The following PDGFA variants were observed in gnomAD, a reference collection of about 807,000 sequenced individuals.
The protein encoded by PDGFA is platelet derived growth factor subunit A, also known as platelet-derived growth factor subunit A.
A neutral mutation model predicts 25.6 loss-of-function variants in PDGFA; 9 were observed. The ratio of observed to expected loss-of-function variants is 0.35; its 90% confidence interval spans 0.21 to 0.61. The LOEUF (loss-of-function observed/expected upper bound fraction) is 0.61, where lower values mean the gene tolerates loss of function less well. Among genes scored for constraint, PDGFA ranks in the 20% least tolerant of loss-of-function variants. The pLI is 0.75. For synonymous variants in PDGFA, 133 were observed against 111.8 expected, an observed-to-expected ratio of 1.19 and a Z score of -1.20; for missense variants, 242 against 272.8, an observed-to-expected ratio of 0.89 and a Z score of 0.79.
In PDGFA at chr7:517,652, C is replaced by T. The variant is rs1583161551; in HGVS notation, c.64-162G>A. Among the ~76,000 whole-genome samples the T allele has an allele frequency of 6.6e-6, 1 of 151,428 alleles. No homozygotes were observed. The highest frequency in any genetic ancestry group is 2.1e-4 in the South Asian group (1 of 4,820). ...CGGAGCCCTCGCCCCGGCCCTGGAACCAGAAGCCGGGGGTGGGGCTGGAAG... is the reference window on the plus strand; with the variant it reads ...CGGAGCCCTCGCCCCGGCCCTGGAATCAGAAGCCGGGGGTGGGGCTGGAAG... On this transcript the variant is annotated intron_variant, in intron 1 of 5. Coordinates refer to ENST00000402802, the Ensembl canonical transcript of PDGFA. This position sits in a 1 kb window ranked among gnomAD's most constrained non-coding sequence, Gnocchi z 7.4.
At position 517,084 on chromosome 7, in the gene PDGFA, G is replaced by C. The variant is rs1215441840; in HGVS notation, c.160+310C>G. Among the ~76,000 whole-genome samples, 2 of 151,502 alleles carry C rather than the reference G, an allele frequency of 1.3e-5. No individual in the cohort carries two copies. The highest frequency in any genetic ancestry group is 2.9e-5 in the Non-Finnish European group (2 of 67,824). On this transcript the variant is annotated intron_variant, in intron 2 of 5. Transcript: ENST00000402802. The surrounding 1 kb of genome is among the most constrained non-coding windows in gnomAD (Gnocchi z 7.4). ...CTGGGCCGGATCCTGCCGCTCCCCCGGCCCGAGGGCAGGCGCGGGGCCCGC... is the reference window on the plus strand; with the variant it reads ...CTGGGCCGGATCCTGCCGCTCCCCCCGCCCGAGGGCAGGCGCGGGGCCCGC...
At chr7:512,513 C>A (rs1215255309) in intron 2 of PDGFA, 58 bp from the exon 3 acceptor site, 1 of 1,609,998 alleles carries the variant, frequency 6.2e-7, no homozygotes, top group African/African-American at 1.3e-5. Flanking sequence ...TGCCCTGGGC[C>A]TGTCCAGCCG....
chr7:520,122 G>A (rs1191262144), upstream of PDGFA: 2 of 379,434 alleles, frequency 5.3e-6, no homozygotes, highest in African/African-American at 2.2e-5. Flanking sequence ...CCACCCTCCA[G>A]TGCCAGCTGC....
At chr7:518,801 A>T in intron 1 of PDGFA, 138 bp downstream of exon 1, 1 of 540,778 alleles carries the variant, frequency 1.8e-6, no homozygotes, top group South Asian at 2.6e-5. Context: ...AGAAAATAGA[A>T]CCCAGTTGGG....
intron 4 of PDGFA, among the ~76,000 whole-genome samples, chr7:506,921 T>C (rs1562487440): frequency 6.6e-6 from 1 of 152,016 alleles, no homozygotes; most frequent in Non-Finnish European, 1.5e-5. Context: ...AAACTGGAAA[T>C]GGGGGATGCC....
chr7:501,562 A>G (rs984697413), intron 4 of PDGFA, among the ~76,000 whole-genome samples: 2 of 152,092 alleles, frequency 1.3e-5, no homozygotes, highest in African/African-American at 4.8e-5. Context: ...CTGTAAGCAC[A>G]GGCCACCATG....
intron 3 of PDGFA, among the ~76,000 whole-genome samples, chr7:511,707 C>T (rs906700946): frequency 8.5e-5 from 13 of 152,088 alleles, no homozygotes; most frequent in African/African-American, 2.9e-4. Flanking sequence ...GTGGGACCCC[C>T]GAGGACGCGG....
intron 2 of PDGFA, 119 bp from the exon 3 acceptor site, chr7:512,574 G>A (rs1224134495): frequency 6.4e-7 from 1 of 1,555,324 alleles, no homozygotes; most frequent in Non-Finnish European, 8.7e-7. Context: ...GCACCTGGCG[G>A]CACAGCCCCT....
chr7:515,852 G>A (rs1783064652), intron 2 of PDGFA, among the ~76,000 whole-genome samples: 1 of 152,130 alleles, frequency 6.6e-6, no homozygotes, highest in South Asian at 2.1e-4. Flanking sequence ...TGCTAAAGGC[G>A]ATAATGGGTG....
chr7:499,131 C>T (rs934955156), intron 5 of PDGFA, among the ~76,000 whole-genome samples: 2 of 152,342 alleles, frequency 1.3e-5, no homozygotes, highest in East Asian at 3.9e-4. Context: ...ACAGGAGTGC[C>T]AGCCTCTCAC....
chr7:507,058 G>T (rs1053613753), intron 4 of PDGFA, among the ~76,000 whole-genome samples: 1 of 152,170 alleles, frequency 6.6e-6, no homozygotes, highest in Admixed American at 6.5e-5. Flanking sequence ...CCATCTCCTC[G>T]CCAGGTTGAC....
At chr7:520,141 G>T, upstream of PDGFA, 1 of 350,392 alleles carries the variant, frequency 2.9e-6, no homozygotes, top group Admixed American at 3.4e-5. Context: ...GCAATCCTGC[G>T]GCACCGGGTG....
intron 3 of PDGFA, 36 bp downstream of exon 3, chr7:512,315 G>A (rs544692389): frequency 3.6e-5 from 53 of 1,475,144 alleles, no homozygotes; most frequent in East Asian, 3.0e-4. Context: ...ACCCTGACCC[G>A]GCCCTGCCCT....
At chr7:520,654 C>G (rs1173110689), upstream of PDGFA, 1 of 152,274 alleles carries the variant, frequency 6.6e-6, no homozygotes. Context: ...CTGAGCCTCC[C>G]GCGTCGGGAT....
upstream of PDGFA, chr7:520,106 G>T (rs1336592165): frequency 1.3e-5 from 5 of 392,550 alleles, no homozygotes; most frequent in Non-Finnish European, 2.0e-5. Context: ...CCTCCCTCGA[G>T]CTTGCCCACC....
chr7:515,996 G>GCC (rs766850548), intron 2 of PDGFA, among the ~76,000 whole-genome samples: 61 of 87,710 alleles, frequency 7.0e-4, no homozygotes, highest in African/African-American at 1.2e-3. Context: ...CCTTCTGCTA[G>GCC]CACCCCCCCC....
At chr7:516,123 C>A (rs975458420) in intron 2 of PDGFA, among the ~76,000 whole-genome samples, 7 of 145,152 alleles carry the variant, frequency 4.8e-5, no homozygotes, top group Non-Finnish European at 9.0e-5. Flanking sequence ...AGAGCCAGAT[C>A]CTTTTCCCTA....
chr7:509,293 T>A (rs1249262419), intron 4 of PDGFA, among the ~76,000 whole-genome samples: 1 of 152,152 alleles, frequency 6.6e-6, no homozygotes, highest in Non-Finnish European at 1.5e-5. Context: ...AAGTCCTTTT[T>A]TCTCTTTTTT....
Position 500,550 on chromosome 7 carries a change from G to C in PDGFA, c.580+566C>G. On this transcript the variant is annotated intron_variant, in intron 5 of 5. Coordinates refer to ENST00000402802, the Ensembl canonical transcript of PDGFA. This position sits in a 1 kb window ranked among gnomAD's most constrained non-coding sequence, Gnocchi z 5.0. Reference sequence around the variant, plus strand: ...AGTGGGCCGAGGGACGGCCGTCGGGGTGAAGAACTGAAGCAACAAATACCT... The same window carrying C: ...AGTGGGCCGAGGGACGGCCGTCGGGCTGAAGAACTGAAGCAACAAATACCT... 1 of 1,612,964 alleles carries C rather than the reference G, an allele frequency of 6.2e-7. No individual in the cohort carries two copies. The highest frequency in any genetic ancestry group is 8.5e-7 in the Non-Finnish European group (1 of 1,179,856).
Sources: allele counts gnomAD v4.1 joint callset (sites outside exome capture counted in the v4.1 genomes callset), GRCh38; gene constraint gnomAD v4.1.1; non-coding constraint Gnocchi (gnomAD v3.1); transcripts MANE v1.5; gene names NCBI Gene and HGNC (gene_info 2026-07-23, HGNC 2026-07-21).